The following PHF20 variants were observed in gnomAD, a reference collection of about 807,000 sequenced individuals.
PHF20 encodes PHD finger protein 20, also known as glioma-expressed antigen 2.
PHF20 carries 23 observed loss-of-function variants against 113.5 expected under a neutral mutation model. The ratio of observed to expected loss-of-function variants is 0.20; its 90% CI spans 0.15 to 0.29. The LOEUF is 0.29. PHF20 is among the 10% of genes least tolerant of loss of function. The pLI is 1.00. For synonymous variants in PHF20, 434 were observed against 457.3 expected (o/e 0.95, Z 0.65); for missense variants, 943 against 1,219.6 (o/e 0.77, Z 3.38).
Position 35,900,441 on chromosome 20 carries a change from G to A in PHF20, c.1561+793G>A, listed in dbSNP as rs2055072347. ...GAGTATACAATCAGGTTTCAGGACA[G>A]GGGCAGAGCCATGCAGACTAAGGTG... On this transcript the variant is annotated intron_variant, in intron 10 of 17. Coordinates refer to ENST00000374012, the MANE Select transcript of PHF20 (RefSeq NM_016436.5). Among the ~76,000 whole-genome samples, 4 of 152,198 alleles carry A rather than the reference G, an allele frequency of 2.6e-5. 1 individual carries two copies. In the South Asian group the frequency reaches 8.3e-4, roughly 32 times the overall value.
At chr20:35,924,385 G>A (rs1046623923) in intron 13 of PHF20, among the ~76,000 whole-genome samples, 3 of 150,904 alleles carry the variant, frequency 2.0e-5, no homozygotes, top group African/African-American at 7.3e-5. Context: ...GTAGAGGCAG[G>A]GTTTCTCCAT....
chr20:35,841,818 A>G (rs17093134), intron 2 of PHF20, among the ~76,000 whole-genome samples: 7,724 of 152,150 alleles, frequency 0.051, 245 homozygotes, highest in African/African-American at 0.099. Flanking sequence ...ATTCCATTAT[A>G]TTGCTTATAA....
intron 15 of PHF20, among the ~76,000 whole-genome samples, chr20:35,934,645 AG>A (rs2055829241): frequency 7.1e-6 from 1 of 140,848 alleles, no homozygotes. Context: ...GAGAAAGAAG[AG>A]GGAGGGCAAA....
intron 10 of PHF20, among the ~76,000 whole-genome samples, chr20:35,911,924 G>T (rs2055312714): frequency 1.3e-5 from 2 of 151,930 alleles, no homozygotes; most frequent in Non-Finnish European, 2.9e-5. Context: ...CTCCCAAAGT[G>T]CTGGGATTAC....
At chr20:35,902,539 A>G (rs62211755) in intron 10 of PHF20, among the ~76,000 whole-genome samples, 2,364 of 152,282 alleles carry the variant, frequency 0.016, 31 homozygotes, top group Non-Finnish European at 0.023. Context: ...TTGTCTGAGG[A>G]GGGACTTTGC....
intron 1 of PHF20, among the ~76,000 whole-genome samples, chr20:35,793,995 C>CAAAAAAAAAAAAAAAAAAAAAAAAA (rs56189104): frequency 5.9e-5 from 2 of 33,836 alleles, no homozygotes; most frequent in Non-Finnish European, 1.1e-4. Context: ...GACTCTGTCT[C>CAAAAAAAAAAAAAAAAAAAAAAAAA]AAAAAAAAAA....
At chr20:35,883,289 C>T (rs1417668323) in intron 9 of PHF20, among the ~76,000 whole-genome samples, 1 of 152,136 alleles carries the variant, frequency 6.6e-6, no homozygotes, top group Non-Finnish European at 1.5e-5. Flanking sequence ...ATTTACCTAG[C>T]CCCTGCTGAA....
chr20:35,806,729 A>G (rs961200810), intron 2 of PHF20, among the ~76,000 whole-genome samples: 3 of 151,322 alleles, frequency 2.0e-5, no homozygotes, highest in Admixed American at 6.6e-5. Context: ...TTGCTTTAAC[A>G]TAACTCTTGA....
At chr20:35,841,724 C>T (rs999902795) in intron 2 of PHF20, among the ~76,000 whole-genome samples, 5 of 151,796 alleles carry the variant, frequency 3.3e-5, no homozygotes, top group African/African-American at 4.8e-5. Context: ...GAGCTGAGAT[C>T]GCGCCACTGC....
chr20:35,831,707 CT>C (rs1416534286), intron 2 of PHF20, among the ~76,000 whole-genome samples: 7 of 152,190 alleles, frequency 4.6e-5, no homozygotes, highest in Non-Finnish European at 1.0e-4. Flanking sequence ...TCTGAAAGCA[CT>C]GGGATTACAG....
At chr20:35,874,981 T>C (rs1378666377) in intron 9 of PHF20, among the ~76,000 whole-genome samples, 2 of 152,106 alleles carry the variant, frequency 1.3e-5, no homozygotes, top group Non-Finnish European at 2.9e-5. Context: ...ATGCCTATAG[T>C]CCCAGCTACT....
chr20:35,947,351 CCCCA>C, intron 17 of PHF20, 130 bp from the exon 18 acceptor site: 1 of 803,308 alleles, frequency 1.2e-6, no homozygotes, highest in Non-Finnish European at 1.9e-6. Context: ...TCCTCCCTTG[CCCCA>C]TGGAGGCTGA....
chr20:35,866,726 T>C (rs1305489702), intron 6 of PHF20, among the ~76,000 whole-genome samples: 2 of 152,196 alleles, frequency 1.3e-5, no homozygotes, highest in Non-Finnish European at 2.9e-5. Flanking sequence ...CCCTGGCTTA[T>C]ACCCTCCAGA....
At chr20:35,810,005 C>G (rs1040940350) in intron 2 of PHF20, among the ~76,000 whole-genome samples, 2 of 152,160 alleles carry the variant, frequency 1.3e-5, no homozygotes, top group African/African-American at 4.8e-5. Flanking sequence ...TCTCAGCTCA[C>G]TGCAACCTCC....
At chr20:35,850,520 AT>A (rs1476343413) in intron 4 of PHF20, among the ~76,000 whole-genome samples, 1 of 107,432 alleles carries the variant, frequency 9.3e-6, no homozygotes, top group Non-Finnish European at 1.9e-5. Context: ...AATGTACTTT[AT>A]TTCTTCATTA....
intron 17 of PHF20, among the ~76,000 whole-genome samples, chr20:35,943,745 C>T (rs935844285): frequency 5.9e-5 from 9 of 152,004 alleles, no homozygotes; most frequent in African/African-American, 1.2e-4. Context: ...TTCAGCCTCC[C>T]GAGTAGCTGG....
intron 1 of PHF20, among the ~76,000 whole-genome samples, chr20:35,790,947 C>T (rs902520860): frequency 1.3e-5 from 2 of 152,148 alleles, no homozygotes; most frequent in South Asian, 2.1e-4. Context: ...CAACCTCCAC[C>T]TCCTGGGTTC....
intron 17 of PHF20, among the ~76,000 whole-genome samples, chr20:35,946,904 T>A (rs1177413833): frequency 1.4e-4 from 21 of 152,048 alleles, no homozygotes; most frequent in Admixed American, 1.4e-3. Context: ...GAGATGGGGT[T>A]TCACCATGTT....
Position 35,833,707 on chromosome 20 carries a change from G to A in PHF20, c.84-8866G>A, listed in dbSNP as rs540941618. Among the ~76,000 whole-genome samples, 41 of 152,078 alleles carry A rather than the reference G, an allele frequency of 2.7e-4. 1 individual carries two copies. Among genetic ancestry groups the A allele is most frequent in the African/African-American group, 9.9e-4 (41 of 41,492 alleles). The stretch of plus-strand genomic sequence containing the variant: ...GAACCCTTTCCCAACCCTCTAGTTA[G>A]AAAAAATGGGACTCTGATGAAAAAG... On this transcript the variant is annotated intron_variant, in intron 2 of 17. Transcript: ENST00000374012.
Sources: gnomAD v4.1 joint callset for allele counts (sites outside exome capture counted in the v4.1 genomes callset) on GRCh38, gnomAD v4.1.1 for gene constraint, MANE v1.5 for transcripts, NCBI Gene and HGNC (gene_info 2026-07-23, HGNC 2026-07-21) for gene names.